Variants in SLC35F3 observed in about 807,000 individuals in gnomAD.
SLC35F3 encodes the protein solute carrier family 35 member F3.
In SLC35F3, 25 loss-of-function variants were observed where a neutral mutation model predicts 49.9. That is an observed-to-expected ratio of 0.50 (90% CI 0.37 to 0.70). SLC35F3 has a LOEUF of 0.70. SLC35F3 is among the 30% of genes least tolerant of loss of function. The pLI is 0.00. For missense variants in SLC35F3, 525 were observed against 639.8 expected (o/e 0.82, Z 1.94); for synonymous variants, 275 against 265.4 (o/e 1.04, Z -0.35).
intron 4 of SLC35F3, among the ~76,000 whole-genome samples, chr1:234,314,386 G>GA (rs1367018917): frequency 2.6e-5 from 4 of 152,170 alleles, no homozygotes; most frequent in South Asian, 2.1e-4. Flanking sequence ...CAAGTCTTCA[G>GA]AAAAAATCAC....
chr1:233,921,961 A>G (rs562393082), intron 2 of SLC35F3, among the ~76,000 whole-genome samples: 154 of 152,154 alleles, frequency 1.0e-3, no homozygotes, highest in Non-Finnish European at 2.0e-3. Context: ...GTCCCTACAA[A>G]GGACATGAAC....
intron 2 of SLC35F3, among the ~76,000 whole-genome samples, chr1:234,013,756 A>G (rs999403521): frequency 2.0e-5 from 3 of 152,050 alleles, no homozygotes; most frequent in African/African-American, 4.8e-5. Context: ...CATTCCTGGA[A>G]CTATACAATT....
At chr1:234,156,813 C>T (rs1394583224) in intron 2 of SLC35F3, among the ~76,000 whole-genome samples, 1 of 152,122 alleles carries the variant, frequency 6.6e-6, no homozygotes, top group African/African-American at 2.4e-5. Flanking sequence ...CATGATACAA[C>T]ATGAATGAAC....
chr1:234,173,837 G>C (rs1258290413), intron 2 of SLC35F3, among the ~76,000 whole-genome samples: 1 of 152,218 alleles, frequency 6.6e-6, no homozygotes, highest in East Asian at 1.9e-4. Flanking sequence ...TAAGAGTCCA[G>C]CCTCTGCTGA....
At chr1:234,316,857 G>C in intron 5 of SLC35F3, 130 bp downstream of exon 5, 2 of 1,183,416 alleles carry the variant, frequency 1.7e-6, no homozygotes, top group Non-Finnish European at 2.3e-6. Context: ...GGCAGCTCTA[G>C]ATAGCTGGAG....
intron 2 of SLC35F3, among the ~76,000 whole-genome samples, chr1:234,217,759 A>G (rs11585538): frequency 0.13 from 19,153 of 152,090 alleles, 3,099 homozygotes; most frequent in East Asian, 0.82. Context: ...GGAGGAGGCC[A>G]TTCTAACAAA....
At chr1:233,907,217 A>G (rs1661791772) in intron 2 of SLC35F3, among the ~76,000 whole-genome samples, 1 of 152,364 alleles carries the variant, frequency 6.6e-6, no homozygotes, top group Admixed American at 6.5e-5. Flanking sequence ...GGTATAAATG[A>G]CAGCCTTCAT....
At chr1:234,155,398 T>TGATGATGATGATGATG (rs59320767) in intron 2 of SLC35F3, among the ~76,000 whole-genome samples, 313 of 145,186 alleles carry the variant, frequency 2.2e-3, no homozygotes, top group African/African-American at 7.4e-3. Flanking sequence ...TTCACCTGAT[T>TGATGATGATGATGATG]ATTATTATTA....
At chr1:234,108,781 TATAAAAGATATATATATTTATATA>T (rs1665351399) in intron 2 of SLC35F3, among the ~76,000 whole-genome samples, 3 of 131,168 alleles carry the variant, frequency 2.3e-5, no homozygotes, top group Admixed American at 1.7e-4. Flanking sequence ...ATCTTTTATA[TATAAAAGATATATATATTTATATA>T]TATATAAAAG....
intron 2 of SLC35F3, among the ~76,000 whole-genome samples, chr1:234,092,804 G>C (rs1171822045): frequency 6.6e-6 from 1 of 152,148 alleles, no homozygotes; most frequent in Non-Finnish European, 1.5e-5. Context: ...GGAGTTCGAG[G>C]CTGCAGTGAC....
At chr1:234,126,822 A>T (rs144717276) in intron 2 of SLC35F3, among the ~76,000 whole-genome samples, 2 of 152,064 alleles carry the variant, frequency 1.3e-5, no homozygotes, top group Admixed American at 1.3e-4. Flanking sequence ...CAGCCTCCCA[A>T]ATAGCTGGGA....
At chr1:234,064,404 A>T (rs1399811926) in intron 2 of SLC35F3, among the ~76,000 whole-genome samples, 1 of 152,210 alleles carries the variant, frequency 6.6e-6, no homozygotes, top group Non-Finnish European at 1.5e-5. Context: ...TATCAGGGTT[A>T]TAGAAAATTC....
intron 3 of SLC35F3, among the ~76,000 whole-genome samples, chr1:234,243,083 T>C (rs1667578613): frequency 6.6e-6 from 1 of 152,190 alleles, no homozygotes. Context: ...CCGGGTGTGG[T>C]AGCTCATGCC....
At chr1:234,130,383 GTAAT>G (rs1665715770) in intron 2 of SLC35F3, among the ~76,000 whole-genome samples, 2 of 151,572 alleles carry the variant, frequency 1.3e-5, no homozygotes, top group Non-Finnish European at 2.9e-5. Flanking sequence ...GCTCATGCCT[GTAAT>G]CCCAGCACTT....
intron 2 of SLC35F3, among the ~76,000 whole-genome samples, chr1:234,135,405 A>G (rs1258058578): frequency 6.6e-6 from 1 of 152,228 alleles, no homozygotes; most frequent in African/African-American, 2.4e-5. Flanking sequence ...GAATGGATGC[A>G]TCAGGATATG....
intron 2 of SLC35F3, among the ~76,000 whole-genome samples, chr1:234,012,507 G>A (rs13374736): frequency 0.058 from 8,764 of 152,256 alleles, 578 homozygotes; most frequent in African/African-American, 0.16. Flanking sequence ...AGGTCCCTGC[G>A]GCTTTCCGCA....
chr1:234,009,563 T>C (rs1290701578), intron 2 of SLC35F3, among the ~76,000 whole-genome samples: 10 of 152,210 alleles, frequency 6.6e-5, no homozygotes, highest in Non-Finnish European at 1.5e-5. Flanking sequence ...GGGGTTATAA[T>C]GTACCTCCCA....
chr1:234,076,252 G>A (rs1486090653), intron 2 of SLC35F3, among the ~76,000 whole-genome samples: 1 of 149,898 alleles, frequency 6.7e-6, no homozygotes, highest in Non-Finnish European at 1.5e-5. Context: ...CAAGGTGACA[G>A]CCCCATTAAT....
intron 3 of SLC35F3, chr1:234,261,820 A>G (rs1052689741): frequency 3.9e-5 from 6 of 152,230 alleles, no homozygotes; most frequent in African/African-American, 1.2e-4. Flanking sequence ...GTTATTATTT[A>G]GAAACACTAT....
Sources: allele counts gnomAD v4.1 joint callset (sites outside exome capture counted in the v4.1 genomes callset), GRCh38; gene constraint gnomAD v4.1.1; transcripts MANE v1.5; gene names NCBI Gene and HGNC (gene_info 2026-07-23, HGNC 2026-07-21).